AKAP14: variants seen among roughly 807,000 people sequenced by gnomAD.
AKAP14 encodes A-kinase anchor protein 14.
AKAP14 carries 4 observed loss-of-function variants against 17.0 expected under a neutral mutation model. The observed-to-expected ratio is 0.23, with a 90% CI of 0.12 to 0.54. The LOEUF is 0.54. AKAP14 is among the 20% of genes least tolerant of loss of function. AKAP14 has a pLI of 0.95. For missense variants in AKAP14, 129 were observed against 150.9 expected, an observed-to-expected ratio of 0.85 and a Z score of 0.76; for synonymous variants, 42 against 51.3, an observed-to-expected ratio of 0.82 and a Z score of 0.77.
chrX:119,902,970 C>T (rs2056575639), intron 2 of AKAP14, among the ~76,000 whole-genome samples: 1 of 112,234 alleles, frequency 8.9e-6, no homozygotes, highest in South Asian at 3.7e-4. Flanking sequence ...GGATTACAGG[C>T]GTGAGCCACC....
At chrX:119,916,748 G>A (rs2056661204) in intron 5 of AKAP14, among the ~76,000 whole-genome samples, 1 of 94,703 alleles carries the variant, frequency 1.1e-5, no homozygotes, top group Admixed American at 1.2e-4. Flanking sequence ...TGATCCACCC[G>A]GCTTAGCCTC....
chrX:119,910,949 A>G (rs1019938086), intron 4 of AKAP14, among the ~76,000 whole-genome samples: 4 of 108,167 alleles, frequency 3.7e-5, no homozygotes, highest in Non-Finnish European at 7.7e-5. Context: ...GGCGTGAGCC[A>G]CTGTGCCCGG....
At chrX:119,902,938 G>A (rs548432972) in intron 2 of AKAP14, among the ~76,000 whole-genome samples, 1 of 112,052 alleles carries the variant, frequency 8.9e-6, no homozygotes, top group Admixed American at 9.5e-5. Context: ...TGATCCGCCC[G>A]CCTCGGGCTC....
intron 4 of AKAP14, among the ~76,000 whole-genome samples, chrX:119,913,805 A>G (rs2056641630): frequency 9.6e-6 from 1 of 103,795 alleles, no homozygotes; most frequent in Non-Finnish European, 2.0e-5. Context: ...CAATCAATCA[A>G]TGTGTGTCCC....
intron 4 of AKAP14, among the ~76,000 whole-genome samples, chrX:119,906,454 C>T (rs373765822): frequency 1.8e-5 from 2 of 108,619 alleles, no homozygotes; most frequent in East Asian, 2.9e-4. Context: ...AGGATGGTCT[C>T]GATCTTCTGA....
At chrX:119,915,659 C>A (rs765876817) in intron 5 of AKAP14, among the ~76,000 whole-genome samples, 1 of 111,999 alleles carries the variant, frequency 8.9e-6, no homozygotes, top group Non-Finnish European at 1.9e-5. Flanking sequence ...TCGTGCGCCA[C>A]CATGCCTGGC....
intron 5 of AKAP14, among the ~76,000 whole-genome samples, chrX:119,918,377 A>T (rs1469190570): frequency 9.0e-6 from 1 of 111,458 alleles, no homozygotes; most frequent in East Asian, 2.8e-4. Context: ...GATTACAGGC[A>T]CATGCCACCA....
chrX:119,902,009 A>C (rs901581545), intron 2 of AKAP14, among the ~76,000 whole-genome samples: 2 of 108,807 alleles, frequency 1.8e-5, no homozygotes, highest in African/African-American at 6.8e-5. Flanking sequence ...ACAAGAACAA[A>C]ACTCTGACTC....
At position 119,899,122 on chromosome X, in the gene AKAP14, G is replaced by A. The variant is rs59658472; in HGVS notation, c.-11+2855G>A. 7.2e-3 allele frequency among the ~76,000 whole-genome samples: 712 copies of A among 98,340 alleles called. 6 individuals carry two copies. The highest frequency in any genetic ancestry group is 0.025 in the African/African-American group (648 of 25,429). The allele number at this position is 98,340 out of a possible 115,157, so 85.4% of individuals were successfully genotyped here. A position where few individuals can be genotyped will look rare whatever the true frequency, so the allele number is the denominator to read the frequency against. ...GCGGAGGTTGCAGTGAGCGGAGATCGTGCCACTGCCCTCCAGCCTGGGTGA... is the reference window on the plus strand; with the variant it reads ...GCGGAGGTTGCAGTGAGCGGAGATCATGCCACTGCCCTCCAGCCTGGGTGA... On this transcript the variant is annotated intron_variant, in intron 2 of 6. Transcript: ENST00000371431.
At chrX:119,902,305 A>T (rs2056571146) in intron 2 of AKAP14, among the ~76,000 whole-genome samples, 1 of 110,328 alleles carries the variant, frequency 9.1e-6, no homozygotes, top group South Asian at 3.9e-4. Flanking sequence ...TCAACTCCTG[A>T]CCTCGTGATA....
At chrX:119,915,506 A>G (rs1404814170) in intron 5 of AKAP14, among the ~76,000 whole-genome samples, 1 of 77,779 alleles carries the variant, frequency 1.3e-5, no homozygotes, top group African/African-American at 4.6e-5. Context: ...TCCAGAATCC[A>G]ACAAATTTTT....
intron 5 of AKAP14, among the ~76,000 whole-genome samples, chrX:119,918,271 T>G (rs1020126235): frequency 8.9e-6 from 1 of 111,763 alleles, no homozygotes; most frequent in Non-Finnish European, 1.9e-5. Context: ...TCGTTCTGTC[T>G]TCTAGGCTGG....
chrX:119,903,787 C>T, intron 4 of AKAP14: 1 of 733,805 alleles, frequency 1.4e-6, no homozygotes, highest in South Asian at 2.7e-5. Flanking sequence ...CAATCACAAT[C>T]ATTTTCCCTG....
chrX:119,920,475 A>G (rs760703227), intron 6 of AKAP14, 33 bp from the exon 7 acceptor site: 2 of 1,090,952 alleles, frequency 1.8e-6, no homozygotes, highest in Admixed American at 2.3e-5. Context: ...ATTTAAAAAT[A>G]CTTTAAAAGT....
intron 5 of AKAP14, among the ~76,000 whole-genome samples, chrX:119,917,137 T>A (rs1469456906): frequency 9.5e-6 from 1 of 104,844 alleles, no homozygotes; most frequent in Non-Finnish European, 2.0e-5. Context: ...ATAATAAAAA[T>A]AAAAATTAAA....
At chrX:119,907,285 C>T (rs774762686) in intron 4 of AKAP14, among the ~76,000 whole-genome samples, 2 of 108,052 alleles carry the variant, frequency 1.9e-5, no homozygotes, top group African/African-American at 6.7e-5. Flanking sequence ...TGCATGCTAC[C>T]ATGCCTGGCT....
intron 5 of AKAP14, 113 bp from the exon 6 acceptor site, chrX:119,919,798 A>G (rs767886329): frequency 3.7e-6 from 3 of 815,335 alleles, no homozygotes; most frequent in Non-Finnish European, 5.4e-6. Context: ...GTGAGCTGAG[A>G]TTGCACCACT....
intron 6 of AKAP14, 74 bp from the exon 7 acceptor site, chrX:119,920,434 A>G (rs1453319350): frequency 1.2e-6 from 1 of 838,569 alleles, no homozygotes; most frequent in Non-Finnish European, 1.7e-6. Context: ...GTAAATAGGG[A>G]ATCCCCTTTG....
chrX:119,904,442 G>A (rs1275052484), intron 4 of AKAP14, among the ~76,000 whole-genome samples: 1 of 112,635 alleles, frequency 8.9e-6, no homozygotes, highest in East Asian at 2.8e-4. Context: ...CATAACTGGT[G>A]AGTGAATAAA....
Sources: allele counts gnomAD v4.1 joint callset (sites outside exome capture counted in the v4.1 genomes callset), GRCh38; gene constraint gnomAD v4.1.1; transcripts MANE v1.5; gene names NCBI Gene and HGNC (gene_info 2026-07-23, HGNC 2026-07-21).